Variants in ZNF646 observed in about 807,000 individuals in gnomAD.
ZNF646 encodes zinc finger protein 646.
ZNF646 carries 49 observed loss-of-function variants against 115.4 expected under a neutral mutation model. The ratio of observed to expected loss-of-function variants is 0.42; its 90% CI spans 0.34 to 0.54. The LOEUF (loss-of-function observed/expected upper bound fraction) is 0.54, where lower values mean the gene tolerates loss of function less well. ZNF646 is among the 20% of genes least tolerant of loss of function. ZNF646 has a pLI of 0.04. For synonymous variants in ZNF646, 933 were observed against 939.0 expected (o/e 0.99, Z 0.12); for missense variants, 2,269 against 2,457.9 (o/e 0.92, Z 1.62).
At position 31,078,085 on chromosome 16, in the gene ZNF646, T is replaced by C. The variant is rs1322417538; in HGVS notation, c.1761T>C (p.Ala587=). ...CSICGLLFED[A]ESLERHGLTH... ...TCTGTGGGCTGCTCTTTGAAGACGCTGAGAGCCTTGAACGTCATGGCCTGA... is the reference window on the plus strand; with the variant it reads ...TCTGTGGGCTGCTCTTTGAAGACGCCGAGAGCCTTGAACGTCATGGCCTGA... The change falls in exon 2 of 3, where the codon GCT becomes GCC. Residue 587 remains alanine, a synonymous_variant. Coordinates refer to ENST00000300850, the MANE Select transcript of ZNF646 (RefSeq NM_014699.4). 1.2e-6 allele frequency: 2 copies of C among 1,614,072 alleles called. No homozygotes were observed. Among genetic ancestry groups the C allele is most frequent in the Non-Finnish European group, 1.7e-6 (2 of 1,180,052 alleles).
Position 31,076,290 on chromosome 16 carries a change from C to A in ZNF646, c.-35C>A. The A allele has an allele frequency of 6.4e-7, 1 of 1,574,468 alleles. No homozygotes were observed. The highest frequency in any genetic ancestry group is 8.6e-7 in the Non-Finnish European group (1 of 1,156,692). On this transcript the variant is annotated 5_prime_UTR_variant, in exon 2 of 3. Transcript: ENST00000300850. ...AGGAAGGTGCTGCCACGTGTCTGCT[C>A]CTTCTGAACCTCCAGGTTTCTGCTA...
rs747884692 is a variant in ZNF646 at position 31,081,696 on chromosome 16, G to C, written c.5372G>C (p.Gly1791Ala). ...QQHQEEWTVA[G>A]SGAPVAPVTG... ...CACCAGGAGGAGTGGACGGTGGCCG[G>C]CTCCGGTAGGGGGCATGAAGGGTCC... Residue 1791 changes from glycine (G) to alanine (A), a missense_variant, in exon 2 of 3, where the codon GGC (glycine) becomes GCC (alanine). Physicochemically the swap from Gly to Ala is moderately conservative, Grantham distance 60. Around this residue, in one of 5 missense-constraint regions of ZNF646, gnomAD observed 1,062 missense variants for 1,172.8 expected, o/e 0.91. Transcript: ENST00000300850. 2.5e-6 allele frequency: 4 copies of C among 1,581,602 alleles called. No homozygotes were observed. The African/African-American group carries it at 5.4e-5, about 21-fold the overall frequency.
chr16:31,076,294 C>T lies in ZNF646; in HGVS notation c.-31C>T, dbSNP rs1445171029. 1.3e-6 allele frequency: 2 copies of T among 1,578,996 alleles called. No homozygotes were observed. Among genetic ancestry groups the T allele is most frequent in the East Asian group, 2.3e-5 (1 of 44,418 alleles). On this transcript the variant is annotated 5_prime_UTR_variant, in exon 2 of 3. Transcript: ENST00000300850. ...AGGTGCTGCCACGTGTCTGCTCCTT[C>T]TGAACCTCCAGGTTTCTGCTACGTT... is the stretch of plus-strand genomic sequence containing the variant.
At position 31,076,525 on chromosome 16, in the gene ZNF646, T is replaced by G. The variant is rs577720146; in HGVS notation, c.201T>G (p.Arg67=). 11 of 1,612,972 alleles carry G rather than the reference T, an allele frequency of 6.8e-6. No individual in the cohort carries two copies. The African/African-American group carries it at 1.3e-4, about 20-fold the overall frequency. ...YRHPGSLVNH[R]RTHETGLFPC... ...ACCCCGGGAGCCTGGTTAACCATCGTCGGACCCACGAGACTGGCCTTTTCC... is the reference window on the plus strand; with the variant it reads ...ACCCCGGGAGCCTGGTTAACCATCGGCGGACCCACGAGACTGGCCTTTTCC... The change falls in exon 2 of 3, where the codon CGT becomes CGG. Residue 67 remains arginine, a synonymous_variant. Transcript: ENST00000300850.
In ZNF646 at chr16:31,081,537, G is replaced by T; in HGVS notation, c.5213G>T (p.Gly1738Val). Residue 1738 changes from glycine (G) to valine (V), a missense_variant, in exon 2 of 3, where the codon GGC becomes GTC. Gly to Val is a moderately radical substitution (Grantham distance 109). Around this residue, in one of 5 missense-constraint regions of ZNF646, gnomAD observed 1,062 missense variants for 1,172.8 expected, o/e 0.91. Coordinates refer to ENST00000300850, the MANE Select transcript of ZNF646 (RefSeq NM_014699.4). The stretch of plus-strand genomic sequence containing the variant: ...AAGCGCCACTGCTGCAGCATCTGTG[G>T]CAAGGCCTTTCGGACAGCTGCCCGG... ...DPKRHCCSIC[G>V]KAFRTAARLE... is the part of the protein sequence containing the mutation. 1 of 1,614,056 alleles carries T rather than the reference G, an allele frequency of 6.2e-7. No homozygotes were observed. Among genetic ancestry groups the T allele is most frequent in the South Asian group, 1.1e-5 (1 of 91,092 alleles).
chr16:31,081,890 G>A (rs2057166695), intron 2 of ZNF646, 189 bp downstream of exon 2: 3 of 1,024,274 alleles, frequency 2.9e-6, no homozygotes, highest in Non-Finnish European at 4.2e-6. Context: ...CGCAAGTCAG[G>A]TATAACAAAT....
chr16:31,077,009 C>A lies in ZNF646; in HGVS notation c.685C>A (p.Gln229Lys). ...CTTCACAGGGGGCCAGGAGCCCACC[C>A]AGTCCCCTCCTGCTGAGGAGGAGCG... is the stretch of plus-strand genomic sequence containing the variant. The part of the protein sequence containing the change: ...VNFTGGQEPT[Q>K]SPPAEEERRY... The change falls in exon 2 of 3, where the codon CAG becomes AAG. Residue 229 changes from glutamine (Q) to lysine (K), a missense_variant. Physicochemically the swap from Gln to Lys is moderately conservative, Grantham distance 53. Transcript: ENST00000300850. 1 of 1,613,982 alleles carries A rather than the reference C, an allele frequency of 6.2e-7. No individual in the cohort carries two copies. The highest frequency in any genetic ancestry group is 1.3e-5 in the African/African-American group (1 of 75,040).
At position 31,084,193 on chromosome 16, in the gene ZNF646, C is replaced by T. The variant is rs751971327; in HGVS notation, c.*1101C>T. Reference sequence around the variant, plus strand: ...GGCGAAGTAGACCTGCCAGTCCAAACTGCTGACCCAGTCCTCATAGGCAGG... The same window carrying T: ...GGCGAAGTAGACCTGCCAGTCCAAATTGCTGACCCAGTCCTCATAGGCAGG... On this transcript the variant is annotated 3_prime_UTR_variant, in exon 3 of 3. Coordinates refer to ENST00000300850, the MANE Select transcript of ZNF646 (RefSeq NM_014699.4). 3.7e-6 allele frequency: 6 copies of T among 1,610,154 alleles called. No homozygotes were observed. The highest frequency in any genetic ancestry group is 2.2e-5 in the East Asian group (1 of 44,802).
At position 31,079,966 on chromosome 16, in the gene ZNF646, C is replaced by T. The variant is rs142883444; in HGVS notation, c.3642C>T (p.His1214=). 2.5e-5 allele frequency: 40 copies of T among 1,609,502 alleles called. No homozygotes were observed. In the African/African-American group the frequency reaches 4.3e-4, roughly 17 times the overall value. ...AGGTGTGTGGCCGATCCTACAAGCA[C>T]GCCGGCAGCCTCATCAACCACCGGC... ...SCEVCGRSYK[H]AGSLINHRQS... The change falls in exon 2 of 3, where the codon CAC becomes CAT. Residue 1214 remains histidine, a synonymous_variant. Transcript: ENST00000300850. The surrounding 1 kb of genome is among the most constrained non-coding windows in gnomAD (Gnocchi z 5.5).
chr16:31,077,687 G>A lies in ZNF646; in HGVS notation c.1363G>A (p.Asp455Asn). 3 of 1,614,066 alleles carry A rather than the reference G, an allele frequency of 1.9e-6. No individual in the cohort carries two copies. The highest frequency in any genetic ancestry group is 1.1e-5 in the South Asian group (1 of 91,076). ...LAETTHKEEE[D>N]PTTTLDHRPY... ...TGAGACCACCCACAAAGAGGAAGAG[G>A]ACCCCACCACCACCCTGGACCATCG... Residue 455 changes from aspartate to asparagine, a missense_variant, in exon 2 of 3, where the codon GAC (aspartate) becomes AAC (asparagine). By Grantham distance (23) the Asp-to-Asn change is conservative. Around this residue, in one of 5 missense-constraint regions of ZNF646, gnomAD observed 852 missense variants for 900.2 expected, o/e 0.95. Coordinates refer to ENST00000300850, the MANE Select transcript of ZNF646 (RefSeq NM_014699.4).
intron 2 of ZNF646, 186 bp from the exon 3 acceptor site, chr16:31,082,785 C>T (rs2057180863): frequency 1.5e-6 from 1 of 687,096 alleles, no homozygotes; most frequent in South Asian, 2.0e-5. Flanking sequence ...TTTCTCATGA[C>T]CTCAAGGGAT....
At position 31,076,994 on chromosome 16, in the gene ZNF646, G is replaced by C; in HGVS notation, c.670G>C (p.Gly224Arg). 4.3e-6 allele frequency: 7 copies of C among 1,613,980 alleles called. No homozygotes were observed. Among genetic ancestry groups the C allele is most frequent in the Non-Finnish European group, 5.9e-6 (7 of 1,179,938 alleles). Residue 224 changes from glycine (G) to arginine (R), a missense_variant, in exon 2 of 3, where the codon GGC becomes CGC. By Grantham distance (125) the Gly-to-Arg change is moderately radical. This residue lies in a region of ZNF646 where 334 missense variants were observed against 323.5 expected (regional missense o/e 1.03). Coordinates refer to ENST00000300850, the MANE Select transcript of ZNF646 (RefSeq NM_014699.4). ...TGAATCAGTAGTGAACTTCACAGGG[G>C]GCCAGGAGCCCACCCAGTCCCCTCC... is the stretch of plus-strand genomic sequence containing the variant. ...LAESVVNFTGGQEPTQSPPAE... is the reference protein window; with the variant it reads ...LAESVVNFTGRQEPTQSPPAE...
At position 31,080,535 on chromosome 16, in the gene ZNF646, C is replaced by A. The variant is rs749967388; in HGVS notation, c.4211C>A (p.Ala1404Glu). Residue 1404 changes from alanine to glutamate, a missense_variant, in exon 2 of 3, where the codon GCG becomes GAG. Ala to Glu is a moderately radical substitution (Grantham distance 107). Coordinates refer to ENST00000300850, the MANE Select transcript of ZNF646 (RefSeq NM_014699.4). The part of the protein sequence containing the change: ...ANGQGGLDGT[A>E]ASEANLTGSQ... Reference sequence around the variant, plus strand: ...GGCCAGGGAGGCCTGGATGGCACAGCGGCCAGTGAGGCGAACCTGACTGGC... The same window carrying A: ...GGCCAGGGAGGCCTGGATGGCACAGAGGCCAGTGAGGCGAACCTGACTGGC... 3 of 1,614,048 alleles carry A rather than the reference C, an allele frequency of 1.9e-6. No homozygotes were observed. Among genetic ancestry groups the A allele is most frequent in the Non-Finnish European group, 2.5e-6 (3 of 1,180,028 alleles).
In ZNF646 at chr16:31,080,445, C is replaced by T; in HGVS notation, c.4121C>T (p.Pro1374Leu). 1 of 1,613,340 alleles carries T rather than the reference C, an allele frequency of 6.2e-7. No homozygotes were observed. Reference sequence around the variant, plus strand: ...TGCGCCCTCTGTGGCCGCAGCTTCCCTGGCCGGGGATCTTTGGAGCGGCAC... The same window carrying T: ...TGCGCCCTCTGTGGCCGCAGCTTCCTTGGCCGGGGATCTTTGGAGCGGCAC... ...VRCALCGRSF[P>L]GRGSLERHLR... The change falls in exon 2 of 3, where the codon CCT (proline) becomes CTT (leucine). Residue 1374 changes from proline (P) to leucine (L), a missense_variant. Pro to Leu is a moderately conservative substitution (Grantham distance 98). Around this residue, in one of 5 missense-constraint regions of ZNF646, gnomAD observed 1,062 missense variants for 1,172.8 expected, o/e 0.91. Transcript: ENST00000300850.
In ZNF646 at chr16:31,078,362, G is replaced by A. The variant is rs770620794; in HGVS notation, c.2038G>A (p.Gly680Ser). ...CAGGCGGCATCGGAAGCGGGCTGGC[G>A]GTGCCAGCGGTGGGAGAGAAGCCAA... The part of the protein sequence containing the change: ...RSRRHRKRAG[G>S]ASGGREAKLL... Residue 680 changes from glycine to serine, a missense_variant, in exon 2 of 3, where the codon GGT becomes AGT. By Grantham distance (56) the Gly-to-Ser change is moderately conservative (BLOSUM62 0). This residue lies in a region of ZNF646 where 852 missense variants were observed against 900.2 expected (regional missense o/e 0.95). Transcript: ENST00000300850. The A allele has an allele frequency of 2.4e-5, 39 of 1,612,770 alleles. No homozygotes were observed. The highest frequency in any genetic ancestry group is 5.0e-5 in the Admixed American group (3 of 59,966).
At chr16:31,081,765 A>G in intron 2 of ZNF646, 64 bp downstream of exon 2, 4 of 1,484,460 alleles carry the variant, frequency 2.7e-6, no homozygotes, top group Middle Eastern at 1.9e-4. Flanking sequence ...TCCAGCCCCA[A>G]AGTCGGTGGG....
Position 31,080,609 on chromosome 16 carries a change from T to C in ZNF646, c.4285T>C (p.Leu1429=), listed in dbSNP as rs776507898. The change falls in exon 2 of 3, where the codon TTG becomes CTG. Residue 1429 remains leucine (L), a synonymous_variant. Coordinates refer to ENST00000300850, the MANE Select transcript of ZNF646 (RefSeq NM_014699.4). ...GGGTGGTGCTGAGCCAGTACCCCAC[T>C]TGGAGGATGGAGTCCCAAGGCCAGG... The part of the protein sequence containing the change: ...QLGGAEPVPH[L]EDGVPRPGER... 21 of 1,613,990 alleles carry C rather than the reference T, an allele frequency of 1.3e-5. No individual in the cohort carries two copies. The highest frequency in any genetic ancestry group is 1.5e-5 in the Non-Finnish European group (18 of 1,179,986).
rs1428873493 is a variant in ZNF646 at position 31,076,419 on chromosome 16, C to T, written c.95C>T (p.Pro32Leu). Residue 32 changes from proline (P) to leucine (L), a missense_variant, in exon 2 of 3, where the codon CCA (proline) becomes CTA (leucine). Physicochemically the swap from Pro to Leu is moderately conservative, Grantham distance 98. Coordinates refer to ENST00000300850, the MANE Select transcript of ZNF646 (RefSeq NM_014699.4). ...TCTCGGCACCGAGAACTGCTCCATC[C>T]ATCTCCCAACCAGGACAGTGAGGAG... ...ELSRHRELLH[P>L]SPNQDSEEAD... 6.2e-7 allele frequency: 1 copy of T among 1,614,096 alleles called. No individual in the cohort carries two copies. The highest frequency in any genetic ancestry group is 8.5e-7 in the Non-Finnish European group (1 of 1,180,014).
chr16:31,076,912 CCCT>C lies in ZNF646; in HGVS notation c.593_595del (p.Pro198del). On this transcript the variant is annotated inframe_deletion, in exon 2 of 3. Coordinates refer to ENST00000300850, the MANE Select transcript of ZNF646 (RefSeq NM_014699.4). The stretch of plus-strand genomic sequence containing the variant: ...GACCCTCCACTAACTCTGCCAGAGC[CCCT>C]CCTCTCCCCATCCCAGCCAGCAGCC... 1 of 1,614,102 alleles carries C rather than the reference CCCT, an allele frequency of 6.2e-7. No homozygotes were observed. Among genetic ancestry groups the C allele is most frequent in the Non-Finnish European group, 8.5e-7 (1 of 1,180,000 alleles).
Sources: allele counts gnomAD v4.1 joint callset, GRCh38; gene constraint gnomAD v4.1.1; regional missense constraint gnomAD v4.1.1; non-coding constraint Gnocchi (gnomAD v3.1); transcripts MANE v1.5; gene names NCBI Gene and HGNC (gene_info 2026-07-23, HGNC 2026-07-21).